The following MPRIP variants were observed in gnomAD, a reference collection of about 807,000 sequenced individuals.
MPRIP encodes the protein myosin phosphatase Rho interacting protein.
In MPRIP, 59 loss-of-function variants were observed where a neutral mutation model predicts 234.9. The observed-to-expected ratio is 0.25, with a 90% CI of 0.20 to 0.31. The LOEUF (loss-of-function observed/expected upper bound fraction) is 0.31. Ranked by LOEUF, MPRIP falls within the 10% of genes least tolerant of loss-of-function variation. The pLI, the probability that MPRIP is intolerant of heterozygous loss-of-function variation, is 1.00. For missense variants in MPRIP, 2,436 were observed against 3,071.0 expected (o/e 0.79, Z 4.89); for synonymous variants, 1,144 against 1,263.9 (o/e 0.91, Z 2.01).
At chr17:17,050,561 C>T (rs2088507427) in intron 1 of MPRIP, among the ~76,000 whole-genome samples, 1 of 152,190 alleles carries the variant, frequency 6.6e-6, no homozygotes, top group South Asian at 2.1e-4. Flanking sequence ...TCCGTCCCTC[C>T]CTTGGGCCTT....
chr17:17,062,667 G>A (rs543423407), intron 1 of MPRIP, among the ~76,000 whole-genome samples: 5 of 152,366 alleles, frequency 3.3e-5, no homozygotes, highest in Admixed American at 1.3e-4. Context: ...TAGTGTGGGC[G>A]GTGCCCTGGA....
At chr17:17,102,079 G>A (rs1267553035) in intron 3 of MPRIP, among the ~76,000 whole-genome samples, 1 of 151,714 alleles carries the variant, frequency 6.6e-6, no homozygotes, top group African/African-American at 2.4e-5. Flanking sequence ...ATAGAGACAG[G>A]ATCTCCCTAT....
intron 1 of MPRIP, among the ~76,000 whole-genome samples, chr17:17,062,475 C>T (rs1282856684): frequency 2.0e-5 from 3 of 152,372 alleles, no homozygotes; most frequent in Non-Finnish European, 2.9e-5. Context: ...ATAAACAGAA[C>T]TGACCACGAG....
Position 17,143,446 on chromosome 17 carries a change from G to T in MPRIP, c.1390-110G>T, listed in dbSNP as rs552649392. On this transcript the variant is annotated intron_variant, in intron 8 of 23. Coordinates refer to ENST00000651222, the MANE Select transcript of MPRIP (RefSeq NM_001364716.4). Reference sequence around the variant, plus strand: ...GTGGCTAGGCAGATCACTGCCCCTCGCCAGGAGCAAGGCCCTGGCGGCTCT... The same window carrying T: ...GTGGCTAGGCAGATCACTGCCCCTCTCCAGGAGCAAGGCCCTGGCGGCTCT... The T allele has an allele frequency of 6.0e-5, 38 of 632,580 alleles. No homozygotes were observed. The East Asian group carries it at 9.8e-4, about 16-fold the overall frequency. 39.2% of individuals were successfully genotyped at this position (632,580 alleles called of 1,614,324 possible).
At chr17:17,092,871 G>C (rs2089751838) in intron 3 of MPRIP, among the ~76,000 whole-genome samples, 1 of 152,196 alleles carries the variant, frequency 6.6e-6, no homozygotes, top group South Asian at 2.1e-4. Flanking sequence ...GGTGAGGAGA[G>C]CGCCCCGGCC....
chr17:17,043,029 G>C (rs61242604), intron 1 of MPRIP, 58 bp downstream of exon 1: 819,803 of 1,552,696 alleles, frequency 0.53, 224,269 homozygotes, highest in East Asian at 0.7. Context: ...GTCGGCGGCC[G>C]GGGCGCCGCC....
chr17:17,046,849 G>A (rs1439381995), intron 1 of MPRIP, among the ~76,000 whole-genome samples: 2 of 152,192 alleles, frequency 1.3e-5, no homozygotes, highest in Non-Finnish European at 2.9e-5. Flanking sequence ...ACACATTAAC[G>A]AATGAGTTCG....
chr17:17,108,170 C>T (rs955739773), intron 3 of MPRIP, among the ~76,000 whole-genome samples: 9 of 152,232 alleles, frequency 5.9e-5, no homozygotes, highest in African/African-American at 2.2e-4. Flanking sequence ...GTACTGTCCC[C>T]AAGCACTTTA....
At chr17:17,062,231 G>T (rs1223378298) in intron 1 of MPRIP, among the ~76,000 whole-genome samples, 1 of 152,098 alleles carries the variant, frequency 6.6e-6, no homozygotes, top group Non-Finnish European at 1.5e-5. Context: ...GAATGACCAA[G>T]ATCTCCCCTA....
At chr17:17,133,256 C>G (rs556059934) in intron 5 of MPRIP, among the ~76,000 whole-genome samples, 1 of 152,200 alleles carries the variant, frequency 6.6e-6, no homozygotes, top group Non-Finnish European at 1.5e-5. Context: ...GACAACCTTG[C>G]GGGGTCTCTC....
At chr17:17,082,376 A>G (rs563832403) in intron 3 of MPRIP, among the ~76,000 whole-genome samples, 1 of 143,070 alleles carries the variant, frequency 7.0e-6, no homozygotes, top group Non-Finnish European at 1.5e-5. Context: ...GCTCACAGCA[A>G]CCTCCGACTC....
intron 3 of MPRIP, among the ~76,000 whole-genome samples, chr17:17,085,376 A>G (rs1318438032): frequency 6.6e-6 from 1 of 152,206 alleles, no homozygotes; most frequent in Non-Finnish European, 1.5e-5. Context: ...CGAGCAAGGT[A>G]TGAGGGGCTG....
chr17:17,166,000 T>A lies in MPRIP; in HGVS notation c.4409T>A (p.Val1470Asp), dbSNP rs1045482300. 2 of 1,303,958 alleles carry A rather than the reference T, an allele frequency of 1.5e-6. No individual in the cohort carries two copies. Among genetic ancestry groups the A allele is most frequent in the Admixed American group, 2.3e-5 (1 of 43,546 alleles). 80.8% of individuals were successfully genotyped at this position (1,303,958 alleles called of 1,614,324 possible). ...GHVGELGDFQ[V>D]KNSQALMCLE... ...GTTGGAGAGCTTGGGGACTTCCAGGTCAAGAATAGTCAGGCCCTGATGTGC... is the reference window on the plus strand; with the variant it reads ...GTTGGAGAGCTTGGGGACTTCCAGGACAAGAATAGTCAGGCCCTGATGTGC... The change falls in exon 16 of 24, where the codon GTC becomes GAC. Residue 1470 changes from valine to aspartate, a missense_variant. Physicochemically the swap from Val to Asp is radical, Grantham distance 152. Around this residue, in one of 4 missense-constraint regions of MPRIP, gnomAD observed 1,998 missense variants for 2,520.3 expected, o/e 0.79. Transcript: ENST00000651222.
chr17:17,189,045 G>A lies in MPRIP; in HGVS notation c.*4151G>A, dbSNP rs1030576186. 19 of 150,966 alleles carry A rather than the reference G, an allele frequency of 1.3e-4. No individual in the cohort carries two copies. Among genetic ancestry groups the A allele is most frequent in the Admixed American group, 7.2e-4 (11 of 15,200 alleles). The allele number at this position is 150,966 out of a possible 1,614,324, so 9.4% of individuals were successfully genotyped here. ...ACTTGGGTAAGTTCTAAGACAGTTC[G>A]CACTTAGAAAAGAATGTGACACATC... is the stretch of plus-strand genomic sequence containing the variant. On this transcript the variant is annotated 3_prime_UTR_variant, in exon 24 of 24. Coordinates refer to ENST00000651222, the MANE Select transcript of MPRIP (RefSeq NM_001364716.4).
At position 17,136,406 on chromosome 17, in the gene MPRIP, C is replaced by T. The variant is rs766305473; in HGVS notation, c.692C>T (p.Pro231Leu). The change falls in exon 6 of 24, where the codon CCT (proline) becomes CTT (leucine). Residue 231 changes from proline to leucine, a missense_variant. This residue lies in a region of MPRIP where 267 missense variants were observed against 252.7 expected (regional missense o/e 1.06). Transcript: ENST00000651222. Reference protein sequence around the residue: ...PAQSPSQSQPPAASSLREPGL... With the variant: ...PAQSPSQSQPLAASSLREPGL... ...CAGAGTCCCAGCCAGAGCCAGCCTC[C>T]TGCTGCCAGCTCCCTGCGGGAACCT... is the stretch of plus-strand genomic sequence containing the variant. 2 of 1,609,914 alleles carry T rather than the reference C, an allele frequency of 1.2e-6. No homozygotes were observed. The highest frequency in any genetic ancestry group is 1.1e-5 in the South Asian group (1 of 90,268).
rs75103208 is a variant in MPRIP at position 17,123,000 on chromosome 17, T to C, written c.268-3702T>C. 6.0e-3 allele frequency among the ~76,000 whole-genome samples: 909 copies of C among 152,312 alleles called. 11 individuals carry two copies. The highest frequency in any genetic ancestry group is 0.021 in the African/African-American group (860 of 41,560). On this transcript the variant is annotated intron_variant, in intron 3 of 23. Coordinates refer to ENST00000651222, the MANE Select transcript of MPRIP (RefSeq NM_001364716.4). ...TCAACAGATGAATGGATAAACAAAA[T>C]GCGGTATAGCCGCACAATGGAACGT...
intron 3 of MPRIP, among the ~76,000 whole-genome samples, chr17:17,079,079 G>C (rs1482277788): frequency 6.6e-6 from 1 of 152,114 alleles, no homozygotes; most frequent in Non-Finnish European, 1.5e-5. Context: ...GGGTGGCGGG[G>C]GTGCCTGGGA....
At chr17:17,108,988 C>A (rs904192545) in intron 3 of MPRIP, among the ~76,000 whole-genome samples, 1 of 152,210 alleles carries the variant, frequency 6.6e-6, no homozygotes, top group Non-Finnish European at 1.5e-5. Context: ...ACTTCTCCCG[C>A]CGGCTGTGGT....
intron 3 of MPRIP, among the ~76,000 whole-genome samples, chr17:17,125,828 G>T (rs1226643830): frequency 6.6e-6 from 1 of 152,228 alleles, no homozygotes; most frequent in Non-Finnish European, 1.5e-5. Flanking sequence ...GGCTGTTGGG[G>T]GTGCTCAGTG....
Sources: gnomAD v4.1 joint callset for allele counts (sites outside exome capture counted in the v4.1 genomes callset) on GRCh38, gnomAD v4.1.1 for gene constraint, gnomAD v4.1.1 regional missense constraint, MANE v1.5 for transcripts, NCBI Gene and HGNC (gene_info 2026-07-23, HGNC 2026-07-21) for gene names.